The following ZNF536 variants were observed in gnomAD, a reference collection of about 807,000 sequenced individuals.
The protein encoded by ZNF536 is zinc finger protein 536.
In ZNF536, 13 loss-of-function variants were observed where a neutral mutation model predicts 84.5. The ratio of observed to expected loss-of-function variants is 0.15; its 90% CI spans 0.10 to 0.24. The LOEUF is 0.24. ZNF536 is among the 10% of genes least tolerant of loss of function. The probability of loss-of-function intolerance (pLI) is 1.00; values close to 1 mark genes in which losing one functional copy is unlikely to be tolerated. For synonymous variants in ZNF536, 811 were observed against 742.5 expected (o/e 1.09, Z -1.50); for missense variants, 1,536 against 1,747.5 (o/e 0.88, Z 2.16).
chr19:30,558,316 C>T (rs953828197), downstream of ZNF536, among the ~76,000 whole-genome samples: 53 of 152,190 alleles, frequency 3.5e-4, no homozygotes, highest in African/African-American at 1.2e-3. Flanking sequence ...GAGAGCCAGG[C>T]GACACGGGCC....
At chr19:30,326,802 T>TTTTTTTTG (rs2047047405) in intron 2 of ZNF536, among the ~76,000 whole-genome samples, 1 of 128,192 alleles carries the variant, frequency 7.8e-6, no homozygotes, top group South Asian at 2.9e-4. Context: ...TTTTTTTTTT[T>TTTTTTTTG]TTTTTTTTTT....
chr19:30,500,444 C>A (rs111700332), intron 2 of ZNF536, among the ~76,000 whole-genome samples: 1 of 151,572 alleles, frequency 6.6e-6, no homozygotes, highest in African/African-American at 2.4e-5. Context: ...CTCACAACCC[C>A]GGGCTCATTC....
At chr19:30,617,734 T>G (rs1383774051) in intron 1 of ZNF536, among the ~76,000 whole-genome samples, 2 of 152,176 alleles carry the variant, frequency 1.3e-5, no homozygotes, top group Admixed American at 6.5e-5. Context: ...AACCAGAGAT[T>G]CTGCAATTTC....
intron 2 of ZNF536, among the ~76,000 whole-genome samples, chr19:30,457,049 A>AC (rs970480195): frequency 3.2e-4 from 48 of 151,266 alleles, no homozygotes; most frequent in East Asian, 1.2e-3. Flanking sequence ...CTCAAAAAAA[A>AC]AAAAAAACAA....
chr19:30,422,099 A>G (rs1435360442), intron 1 of ZNF536, among the ~76,000 whole-genome samples: 2 of 152,194 alleles, frequency 1.3e-5, no homozygotes, highest in Non-Finnish European at 2.9e-5. Context: ...AGCATCAGGA[A>G]GGTGATATGC....
rs150235020 is a variant in ZNF536 at position 30,399,190 on chromosome 19, T to C, written c.-3+26634T>C. 9.3e-3 allele frequency among the ~76,000 whole-genome samples: 1,416 copies of C among 152,360 alleles called. 23 individuals carry two copies. The highest frequency in any genetic ancestry group is 0.032 in the African/African-American group (1,351 of 41,584). The stretch of plus-strand genomic sequence containing the variant: ...CAGTGATGATGAGCTTTTTTTCATA[T>C]GTTTGTCAGCTGCATAAATGTCTTC... On this transcript the variant is annotated intron_variant, in intron 1 of 4. Coordinates refer to ENST00000355537, the MANE Select transcript of ZNF536 (RefSeq NM_014717.3).
At chr19:30,321,757 C>CT (rs1568330298) in intron 2 of ZNF536, among the ~76,000 whole-genome samples, 1 of 144,658 alleles carries the variant, frequency 6.9e-6, no homozygotes, top group Non-Finnish European at 1.5e-5. Flanking sequence ...TTTTTGTTTT[C>CT]TTTTTTCTTT....
chr19:30,644,938 G>A (rs982600088), intron 1 of ZNF536, among the ~76,000 whole-genome samples: 8 of 152,126 alleles, frequency 5.3e-5, no homozygotes, highest in East Asian at 1.9e-4. Context: ...CTGAGGAATC[G>A]CCACACTGAC....
chr19:30,356,077 G>C (rs2048085450), intron 3 of ZNF536, among the ~76,000 whole-genome samples: 1 of 152,196 alleles, frequency 6.6e-6, no homozygotes, highest in Non-Finnish European at 1.5e-5. Context: ...GCAACCGTTG[G>C]TAACTAAATA....
chr19:30,480,546 CG>C (rs536042973), intron 2 of ZNF536, among the ~76,000 whole-genome samples: 2,011 of 151,844 alleles, frequency 0.013, 22 homozygotes, highest in Non-Finnish European at 0.019. Context: ...CGGGGCCTGT[CG>C]TGGGGTAGGG....
At chr19:30,581,100 T>A (rs549588886) in intron 1 of ZNF536, among the ~76,000 whole-genome samples, 2 of 152,374 alleles carry the variant, frequency 1.3e-5, no homozygotes, top group South Asian at 4.1e-4. Flanking sequence ...AAATTCACTA[T>A]GTAAGTAAAA....
chr19:30,711,279 G>C (rs1473487160), exon 2 of ZNF536: 7 of 152,168 alleles, frequency 4.6e-5, no homozygotes, highest in African/African-American at 1.7e-4. Context: ...GGTGCCCTCT[G>C]AGCTGGAGAG....
At chr19:30,359,896 G>A (rs2048219042) in intron 3 of ZNF536, among the ~76,000 whole-genome samples, 1 of 152,160 alleles carries the variant, frequency 6.6e-6, no homozygotes, top group African/African-American at 2.4e-5. Flanking sequence ...ACTGACCCTG[G>A]GACAGGCAGA....
intron 1 of ZNF536, among the ~76,000 whole-genome samples, chr19:30,280,510 G>T (rs548660960): frequency 1.3e-5 from 2 of 152,208 alleles, no homozygotes; most frequent in African/African-American, 4.8e-5. Flanking sequence ...GCATGTGCCC[G>T]GGGTTTGCTG....
intron 1 of ZNF536, among the ~76,000 whole-genome samples, chr19:30,243,960 C>T (rs2024105378): frequency 6.6e-6 from 1 of 152,184 alleles, no homozygotes. Context: ...TCAGCACAAT[C>T]CTATATACTT....
chr19:30,259,373 C>T (rs921640946), intron 1 of ZNF536, among the ~76,000 whole-genome samples: 45 of 152,194 alleles, frequency 3.0e-4, no homozygotes, highest in African/African-American at 1.0e-3. Flanking sequence ...AATGCAGCAG[C>T]GGGTCCTGAG....
chr19:30,686,229 G>A (rs997325367), intron 1 of ZNF536, among the ~76,000 whole-genome samples: 3 of 151,838 alleles, frequency 2.0e-5, no homozygotes, highest in Non-Finnish European at 4.4e-5. Context: ...CAGTAGCAGC[G>A]AGCACCCCCC....
intron 2 of ZNF536, among the ~76,000 whole-genome samples, chr19:30,503,931 A>T (rs1044287802): frequency 6.8e-6 from 1 of 146,512 alleles, no homozygotes; most frequent in Non-Finnish European, 1.5e-5. Context: ...CTTTTTTTTT[A>T]ATGAACGCGT....
At chr19:30,404,518 A>G (rs1555745778) in intron 1 of ZNF536, among the ~76,000 whole-genome samples, 1 of 152,184 alleles carries the variant, frequency 6.6e-6, no homozygotes, top group Non-Finnish European at 1.5e-5. Flanking sequence ...AGTTTCCTCA[A>G]CCATAAAACG....
Sources: allele counts gnomAD v4.1 joint callset (sites outside exome capture counted in the v4.1 genomes callset), GRCh38; gene constraint gnomAD v4.1.1; transcripts MANE v1.5; gene names NCBI Gene and HGNC (gene_info 2026-07-23, HGNC 2026-07-21).